The following SPTLC2 variants were observed in gnomAD, a reference collection of about 807,000 sequenced individuals.
The protein encoded by SPTLC2 is serine palmitoyltransferase 2.
A neutral mutation model predicts 62.0 loss-of-function variants in SPTLC2; 21 were observed. That is an observed-to-expected ratio of 0.34 (90% CI 0.24 to 0.49). The LOEUF (loss-of-function observed/expected upper bound fraction) is 0.49. Among genes scored for constraint, SPTLC2 ranks in the 20% least tolerant of loss-of-function variants. The pLI is 0.99. For missense variants in SPTLC2, 511 were observed against 713.0 expected (o/e 0.72, Z 3.23); for synonymous variants, 261 against 261.8 (o/e 1.00, Z 0.03).
At chr14:77,546,788 T>C (rs1594981985) in intron 9 of SPTLC2, among the ~76,000 whole-genome samples, 1 of 151,584 alleles carries the variant, frequency 6.6e-6, no homozygotes, top group Admixed American at 6.6e-5. Context: ...CAGGTTGGAG[T>C]GTAATGGCGC....
intron 1 of SPTLC2, among the ~76,000 whole-genome samples, chr14:77,597,852 G>A (rs146197773): frequency 0.01 from 1,470 of 144,568 alleles, 21 homozygotes; most frequent in African/African-American, 0.036. Flanking sequence ...GGCCAGGCAC[G>A]GTGGCTCACG....
rs143770506 is a variant in SPTLC2 at position 77,512,359 on chromosome 14, C to T, written c.1614G>A (p.Lys538=). 1.0e-4 allele frequency: 162 copies of T among 1,614,232 alleles called. No homozygotes were observed. In the African/African-American group the frequency reaches 2.0e-3, roughly 20 times the overall value. The change falls in exon 12 of 12, where the codon AAG becomes AAA. Residue 538 remains lysine, a synonymous_variant. Transcript: ENST00000216484. ...IDEVGDLLQL[K]YSRHRLVPLL... is the part of the protein sequence containing the mutation. ...GAGGTACCAACCGATGACGGGAATA[C>T]TTCAGCTGCAATAGGTCCCCAACTT...
chr14:77,564,675 A>T, intron 5 of SPTLC2, among the ~76,000 whole-genome samples: 1 of 152,090 alleles, frequency 6.6e-6, no homozygotes, highest in Non-Finnish European at 1.5e-5. Context: ...GCATTTTATC[A>T]TGCCAGAAAG....
chr14:77,518,210 A>C (rs1169138173), intron 10 of SPTLC2, 43 bp from the exon 11 acceptor site: 2 of 1,613,318 alleles, frequency 1.2e-6, no homozygotes, highest in East Asian at 4.5e-5. Context: ...AGGAGTGAAA[A>C]AGCACTCATT....
chr14:77,552,291 T>C, intron 8 of SPTLC2, 69 bp from the exon 9 acceptor site: 1 of 1,581,412 alleles, frequency 6.3e-7, no homozygotes, highest in South Asian at 1.1e-5. Flanking sequence ...AGTCCTTTCC[T>C]TCTAAGTTCT....
In SPTLC2 at chr14:77,506,073, C is replaced by A. The variant is rs1381285324; in HGVS notation, c.*6211G>T. The A allele has an allele frequency of 2.6e-5, 4 of 152,066 alleles. No homozygotes were observed. The highest frequency in any genetic ancestry group is 9.7e-5 in the African/African-American group (4 of 41,384). The allele number at this position is 152,066 out of a possible 1,614,324, so 9.4% of individuals were successfully genotyped here. A position where few individuals can be genotyped will look rare whatever the true frequency, so the allele number is the denominator to read the frequency against. On this transcript the variant is annotated 3_prime_UTR_variant, in exon 12 of 12. Transcript: ENST00000216484. Reference sequence around the variant, plus strand: ...TTCTTAAGTCATCTCAAGTAGTTCCCCTTCAGTTCTTAACATGCACTCTCA... The same window carrying A: ...TTCTTAAGTCATCTCAAGTAGTTCCACTTCAGTTCTTAACATGCACTCTCA...
At chr14:77,614,926 G>A (rs551808013) in intron 1 of SPTLC2, among the ~76,000 whole-genome samples, 12 of 150,798 alleles carry the variant, frequency 8.0e-5, no homozygotes, top group East Asian at 2.0e-4. Flanking sequence ...AGCCGAGATC[G>A]CGCCATTGCA....
rs138174774 is a variant in SPTLC2 at position 77,567,332 on chromosome 14, A to C, written c.756+3052T>G. Among the ~76,000 whole-genome samples the C allele has an allele frequency of 5.9e-3, 900 of 152,364 alleles. 7 individuals carry two copies. The highest frequency in any genetic ancestry group is 0.016 in the African/African-American group (670 of 41,588). ...CTAATTCTAGATAATCCTCTGATAG[A>C]GCTTGTAAGCATACAGAGAGAAGAG... On this transcript the variant is annotated intron_variant, in intron 5 of 11. Coordinates refer to ENST00000216484, the MANE Select transcript of SPTLC2 (RefSeq NM_004863.4).
chr14:77,589,769 G>A (rs1158582497), intron 2 of SPTLC2, among the ~76,000 whole-genome samples: 4 of 149,184 alleles, frequency 2.7e-5, no homozygotes, highest in East Asian at 2.0e-4. Context: ...CATCCTGGGC[G>A]ACAGAGCGAG....
intron 9 of SPTLC2, among the ~76,000 whole-genome samples, chr14:77,532,001 CTA>C (rs1235714171): frequency 6.6e-6 from 1 of 152,178 alleles, no homozygotes; most frequent in Non-Finnish European, 1.5e-5. Context: ...TCTCATCTCT[CTA>C]TTGATGATTT....
intron 11 of SPTLC2, among the ~76,000 whole-genome samples, chr14:77,513,015 A>ATTTTTTTTTTT (rs1594965084): frequency 2.6e-5 from 1 of 38,804 alleles, no homozygotes; most frequent in Non-Finnish European, 7.2e-5. Flanking sequence ...GAACCCAGCA[A>ATTTTTTTTTTT]CTTTTTTTTT....
At chr14:77,544,481 C>G (rs191861669) in intron 9 of SPTLC2, among the ~76,000 whole-genome samples, 89 of 152,244 alleles carry the variant, frequency 5.8e-4, no homozygotes, top group African/African-American at 2.0e-3. Flanking sequence ...CATGCCATGG[C>G]AGGGAGGCCT....
chr14:77,605,507 A>G (rs2079900535), intron 1 of SPTLC2, among the ~76,000 whole-genome samples: 1 of 152,258 alleles, frequency 6.6e-6, no homozygotes, highest in African/African-American at 2.4e-5. Flanking sequence ...AAAGAGGACT[A>G]GCAGAATTAA....
intron 9 of SPTLC2, among the ~76,000 whole-genome samples, chr14:77,530,983 C>A (rs963526206): frequency 6.6e-6 from 1 of 152,208 alleles, no homozygotes; most frequent in Non-Finnish European, 1.5e-5. Context: ...TCCCTAACAC[C>A]GCCTCCGCCA....
intron 9 of SPTLC2, among the ~76,000 whole-genome samples, chr14:77,531,336 T>A (rs1165189701): frequency 6.6e-6 from 1 of 152,158 alleles, no homozygotes; most frequent in African/African-American, 2.4e-5. Context: ...CTATTCCATA[T>A]GCTTCTCAGG....
chr14:77,607,809 T>C (rs1248247217), intron 1 of SPTLC2, among the ~76,000 whole-genome samples: 1 of 152,154 alleles, frequency 6.6e-6, no homozygotes, highest in African/African-American at 2.4e-5. Flanking sequence ...GTCCTGGAAA[T>C]AACCTGCTTG....
intron 9 of SPTLC2, among the ~76,000 whole-genome samples, chr14:77,545,855 CTT>C (rs2079525581): frequency 6.6e-6 from 1 of 152,110 alleles, no homozygotes; most frequent in African/African-American, 2.4e-5. Flanking sequence ...TTGCAAGAAA[CTT>C]TTAATAGCAT....
At chr14:77,609,898 ATGC>A (rs1248931351) in intron 1 of SPTLC2, among the ~76,000 whole-genome samples, 1 of 152,110 alleles carries the variant, frequency 6.6e-6, no homozygotes, top group Non-Finnish European at 1.5e-5. Flanking sequence ...TCAATCAACA[ATGC>A]TGCTATTATA....
intron 6 of SPTLC2, 191 bp from the exon 7 acceptor site, chr14:77,557,337 C>T: frequency 1.7e-6 from 1 of 600,164 alleles, no homozygotes; most frequent in East Asian, 2.8e-5. Flanking sequence ...CAAAATGTAA[C>T]AAATGTTCAA....
Sources: allele counts gnomAD v4.1 joint callset (sites outside exome capture counted in the v4.1 genomes callset), GRCh38; gene constraint gnomAD v4.1.1; transcripts MANE v1.5; gene names NCBI Gene and HGNC (gene_info 2026-07-23, HGNC 2026-07-21).